RAB28: variants seen among roughly 807,000 people sequenced by gnomAD.
RAB28 encodes the protein ras-related protein Rab-28.
Under a neutral mutation model 31.7 loss-of-function variants are expected in RAB28, and 24 were observed. The observed-to-expected ratio is 0.76, with a 90% CI of 0.55 to 1.06. The LOEUF (loss-of-function observed/expected upper bound fraction) is 1.06. Among genes scored for constraint, RAB28 ranks in the 50% least tolerant of loss-of-function variants. The pLI is 0.00. For missense variants in RAB28, 254 were observed against 258.5 expected (o/e 0.98, Z 0.12); for synonymous variants, 100 against 90.4 (o/e 1.11, Z -0.60).
At chr4:13,391,114 A>G (rs1467222648) in intron 4 of RAB28, among the ~76,000 whole-genome samples, 1 of 152,224 alleles carries the variant, frequency 6.6e-6, no homozygotes, top group Non-Finnish European at 1.5e-5. Flanking sequence ...CAGAGTGAAC[A>G]GGCAACCTGT....
At position 13,479,671 on chromosome 4, in the gene RAB28, G is replaced by A; in HGVS notation, c.76-145C>T. The stretch of plus-strand genomic sequence containing the variant: ...AAGCAGTTCTAATCAGTTACAAGGA[G>A]GGGAGAGACTTAACACCACCAGGTA... On this transcript the variant is annotated intron_variant, in intron 1 of 6. Coordinates refer to ENST00000330852, the MANE Select transcript of RAB28 (RefSeq NM_001017979.3). The A allele has an allele frequency of 5.2e-6, 3 of 581,252 alleles. No homozygotes were observed. The South Asian group carries it at 7.0e-5, about 14-fold the overall frequency. 36.0% of individuals were successfully genotyped at this position (581,252 alleles called of 1,614,324 possible).
intron 4 of RAB28, among the ~76,000 whole-genome samples, chr4:13,400,771 T>C (rs1297665241): frequency 6.6e-6 from 1 of 152,214 alleles, no homozygotes; most frequent in Non-Finnish European, 1.5e-5. Context: ...GAGACTTTTA[T>C]TAACTATAAA....
At chr4:13,473,385 G>A (rs1716206239) in intron 3 of RAB28, among the ~76,000 whole-genome samples, 1 of 151,772 alleles carries the variant, frequency 6.6e-6, no homozygotes, top group Non-Finnish European at 1.5e-5. Flanking sequence ...GAGAAAAAAA[G>A]CAAAAATAAA....
chr4:13,415,273 G>A (rs937635387), intron 4 of RAB28, among the ~76,000 whole-genome samples: 1 of 152,134 alleles, frequency 6.6e-6, no homozygotes, highest in South Asian at 2.1e-4. Flanking sequence ...TCACTCTCGG[G>A]GCCTCTCTGC....
rs930119019 is a variant in RAB28 at position 13,395,306 on chromosome 4, C to G, written c.392-13712G>C. Among the ~76,000 whole-genome samples the G allele has an allele frequency of 2.6e-5, 4 of 152,006 alleles. No homozygotes were observed. The East Asian group carries it at 7.7e-4, about 29-fold the overall frequency. ...CATTACAGAACATGATATGCTTTGCCTCATCACTTGATTACACAGTTATTT... is the reference window on the plus strand; with the variant it reads ...CATTACAGAACATGATATGCTTTGCGTCATCACTTGATTACACAGTTATTT... On this transcript the variant is annotated intron_variant, in intron 4 of 6. Coordinates refer to ENST00000330852, the MANE Select transcript of RAB28 (RefSeq NM_001017979.3).
At chr4:13,439,189 G>C (rs1487129908) in intron 4 of RAB28, among the ~76,000 whole-genome samples, 1 of 152,112 alleles carries the variant, frequency 6.6e-6, no homozygotes, top group East Asian at 1.9e-4. Flanking sequence ...GACATGATTT[G>C]TAAATATTTT....
intron 6 of RAB28, among the ~76,000 whole-genome samples, chr4:13,375,195 C>G (rs1728871270): frequency 1.3e-5 from 2 of 152,144 alleles, no homozygotes; most frequent in Admixed American, 1.3e-4. Context: ...GTTACTGAGT[C>G]TCTCCACAGT....
intron 3 of RAB28, among the ~76,000 whole-genome samples, chr4:13,465,585 T>A (rs1036748294): frequency 1.3e-5 from 2 of 151,806 alleles, no homozygotes; most frequent in Non-Finnish European, 2.9e-5. Context: ...AATAAAGATC[T>A]TCTCAGAAAA....
At chr4:13,459,112 G>A (rs563485820) in intron 4 of RAB28, among the ~76,000 whole-genome samples, 1 of 152,236 alleles carries the variant, frequency 6.6e-6, no homozygotes, top group South Asian at 2.1e-4. Context: ...GATGCTTCCT[G>A]CCCTCGAACA....
Position 13,480,243 on chromosome 4 carries a change from G to A in RAB28, c.76-717C>T, listed in dbSNP as rs1189571667. On this transcript the variant is annotated intron_variant, in intron 1 of 6. Coordinates refer to ENST00000330852, the MANE Select transcript of RAB28 (RefSeq NM_001017979.3). ...ACTGAAAGTTTTAGTCAAAAACTCT[G>A]GAGTTTTCTTTTTAAAGTACCATTT... Among the ~76,000 whole-genome samples the A allele has an allele frequency of 6.6e-5, 10 of 151,588 alleles. No homozygotes were observed. In the East Asian group the frequency reaches 1.7e-3, roughly 26 times the overall value.
At chr4:13,385,876 T>C (rs936750869) in intron 4 of RAB28, among the ~76,000 whole-genome samples, 1 of 151,742 alleles carries the variant, frequency 6.6e-6, no homozygotes. Context: ...CAAAATGGAG[T>C]AAAGGCTTAA....
At chr4:13,474,024 A>G (rs925819362) in intron 3 of RAB28, 3 of 478,126 alleles carry the variant, frequency 6.3e-6, no homozygotes, top group Admixed American at 5.2e-5. Context: ...CAGCTAATAC[A>G]TATCAAAATA....
chr4:13,446,282 T>A (rs2108946508), intron 4 of RAB28, among the ~76,000 whole-genome samples: 1 of 152,268 alleles, frequency 6.6e-6, no homozygotes, highest in Non-Finnish European at 1.5e-5. Flanking sequence ...TTCAAGCTAG[T>A]GTGGTTCTTA....
At chr4:13,388,692 A>G (rs988763130) in intron 4 of RAB28, among the ~76,000 whole-genome samples, 13 of 152,096 alleles carry the variant, frequency 8.5e-5, no homozygotes, top group African/African-American at 3.1e-4. Context: ...CAATTTACAA[A>G]TAAGCAAAAG....
intron 4 of RAB28, among the ~76,000 whole-genome samples, chr4:13,392,590 A>G (rs1729688123): frequency 6.6e-6 from 1 of 152,212 alleles, no homozygotes; most frequent in Admixed American, 6.5e-5. Flanking sequence ...GCGTGCAAGC[A>G]TTCCCTTTCC....
chr4:13,458,673 A>G (rs1216533176), intron 4 of RAB28, among the ~76,000 whole-genome samples: 3 of 152,242 alleles, frequency 2.0e-5, no homozygotes, highest in Non-Finnish European at 2.9e-5. Flanking sequence ...TGGTGGTCCC[A>G]TAAGATTATA....
intron 6 of RAB28, among the ~76,000 whole-genome samples, chr4:13,373,451 T>C (rs1182255205): frequency 1.3e-5 from 2 of 152,152 alleles, no homozygotes; most frequent in Non-Finnish European, 2.9e-5. Flanking sequence ...TGTTCATTGT[T>C]TAAATGTTTG....
rs1246098456 is a variant in RAB28 at position 13,368,363 on chromosome 4, G to A, written c.*195C>T. ...TTTCCATTTTGAATTCAAAGTGTGT[G>A]GTCCCAAAGTTGAATTCTTTCAAAT... On this transcript the variant is annotated 3_prime_UTR_variant, in exon 7 of 7. Coordinates refer to ENST00000330852, the MANE Select transcript of RAB28 (RefSeq NM_001017979.3). 1.6e-6 allele frequency: 2 copies of A among 1,224,212 alleles called. No homozygotes were observed. Among genetic ancestry groups the A allele is most frequent in the African/African-American group, 3.1e-5 (2 of 64,012 alleles). The allele number at this position is 1,224,212 out of a possible 1,614,324, so 75.8% of individuals were successfully genotyped here.
intron 4 of RAB28, among the ~76,000 whole-genome samples, chr4:13,413,231 A>G (rs955452935): frequency 6.6e-6 from 1 of 152,196 alleles, no homozygotes; most frequent in Non-Finnish European, 1.5e-5. Context: ...TTATCTTGAA[A>G]TCTAAGAAAG....
Sources: allele counts gnomAD v4.1 joint callset (sites outside exome capture counted in the v4.1 genomes callset), GRCh38; gene constraint gnomAD v4.1.1; transcripts MANE v1.5; gene names NCBI Gene and HGNC (gene_info 2026-07-23, HGNC 2026-07-21).